ASPH: variants seen among roughly 807,000 people sequenced by gnomAD.
ASPH encodes the protein aspartate beta-hydroxylase.
A neutral mutation model predicts 118.4 loss-of-function variants in ASPH; 100 were observed. The ratio of observed to expected loss-of-function variants is 0.84; its 90% confidence interval spans 0.72 to 1.00. The LOEUF is 1.00. ASPH is among the 50% of genes least tolerant of loss of function. The pLI is 0.00. For synonymous variants in ASPH, 315 were observed against 325.6 expected (o/e 0.97, Z 0.35); for missense variants, 920 against 919.5 (o/e 1.00, Z -0.01).
chr8:61,517,703 G>A (rs1429161257), intron 23 of ASPH, 42 bp from the exon 24 acceptor site: 1 of 1,597,472 alleles, frequency 6.3e-7, no homozygotes, highest in South Asian at 1.1e-5. Flanking sequence ...ATTTATCAAG[G>A]TGTGGAGGAA....
chr8:61,585,581 C>G (rs368856727), intron 14 of ASPH, among the ~76,000 whole-genome samples: 1 of 103,548 alleles, frequency 9.7e-6, no homozygotes, highest in African/African-American at 2.6e-5. Context: ...CTCTCGTGTG[C>G]CCCCTGGTGG....
Position 61,670,557 on chromosome 8 carries a change from G to T in ASPH, c.322+10411C>A, listed in dbSNP as rs79096382. Among the ~76,000 whole-genome samples, 530 of 152,144 alleles carry T rather than the reference G, an allele frequency of 3.5e-3. 2 individuals are homozygous for T. The highest frequency in any genetic ancestry group is 0.02 in the Middle Eastern group (6 of 294). ...CTTAGAAGAAAACTGATCATACATGGAATTTCCCTAGATTCTGAGGGGAAC... is the reference window on the plus strand; with the variant it reads ...CTTAGAAGAAAACTGATCATACATGTAATTTCCCTAGATTCTGAGGGGAAC... On this transcript the variant is annotated intron_variant, in intron 3 of 24. Transcript: ENST00000379454.
At chr8:61,714,037 C>T (rs1159344721) in intron 1 of ASPH, among the ~76,000 whole-genome samples, 1 of 152,258 alleles carries the variant, frequency 6.6e-6, no homozygotes, top group East Asian at 1.9e-4. Flanking sequence ...TGGGAAGGGG[C>T]TCCCCGAGAC....
At chr8:61,676,181 T>A in intron 3 of ASPH, 1 of 1,599,252 alleles carries the variant, frequency 6.3e-7, no homozygotes, top group Non-Finnish European at 8.5e-7. Context: ...TTCTTCTTCT[T>A]CTAGCATTTC....
intron 1 of ASPH, among the ~76,000 whole-genome samples, chr8:61,699,487 G>A (rs1056052034): frequency 6.6e-6 from 1 of 151,954 alleles, no homozygotes; most frequent in African/African-American, 2.4e-5. Context: ...GAAAAATAAT[G>A]AATAAATGAA....
intron 24 of ASPH, among the ~76,000 whole-genome samples, chr8:61,508,918 G>A (rs1357373275): frequency 6.6e-6 from 1 of 152,160 alleles, no homozygotes; most frequent in African/African-American, 2.4e-5. Flanking sequence ...TACTCATTCT[G>A]ATCTACTGAA....
In ASPH at chr8:61,600,444, T is replaced by C. The variant is rs117985355; in HGVS notation, c.977-16415A>G. Among the ~76,000 whole-genome samples the C allele has an allele frequency of 1.2e-3, 180 of 151,526 alleles. 4 individuals carry two copies. The highest frequency in any genetic ancestry group is 2.1e-3 in the Non-Finnish European group (140 of 68,018). ...TGGAAAAGAGGAAGTCAAATTGTCC[T>C]GTTTGCAGAAAACATGATCTTATAT... On this transcript the variant is annotated intron_variant, in intron 14 of 24. Coordinates refer to ENST00000379454, the MANE Select transcript of ASPH (RefSeq NM_004318.4).
chr8:61,701,698 TTA>T (rs1835284243), intron 1 of ASPH, among the ~76,000 whole-genome samples: 1 of 152,132 alleles, frequency 6.6e-6, no homozygotes, highest in Admixed American at 6.5e-5. Context: ...AAAATAAGCA[TTA>T]TATTTTAGTC....
intron 10 of ASPH, among the ~76,000 whole-genome samples, chr8:61,639,835 C>T (rs1588485824): frequency 6.6e-6 from 1 of 152,188 alleles, no homozygotes; most frequent in East Asian, 1.9e-4. Context: ...TGCTTGACTC[C>T]AGTCTCTCCC....
At chr8:61,643,116 T>C (rs1806070146) in intron 9 of ASPH, among the ~76,000 whole-genome samples, 196 bp from the exon 10 acceptor site, 1 of 152,202 alleles carries the variant, frequency 6.6e-6, no homozygotes, top group African/African-American at 2.4e-5. Context: ...CATTAAAATT[T>C]CTCAAATTGG....
intron 2 of ASPH, 59 bp downstream of exon 2, chr8:61,683,980 C>A: frequency 6.4e-7 from 1 of 1,562,216 alleles, no homozygotes; most frequent in Non-Finnish European, 8.8e-7. Flanking sequence ...ATATTCAAGA[C>A]TCCTAAGAGA....
Position 61,552,056 on chromosome 8 carries a change from A to G in ASPH, c.1626+975T>C, listed in dbSNP as rs1049465251. On this transcript the variant is annotated intron_variant, in intron 20 of 24. Transcript: ENST00000379454. ...ACCCCTTCACTTCTCTGAACCCTCA[A>G]TTCCCCAGATGATTCCATGTTCTTA... Among the ~76,000 whole-genome samples, 13 of 152,336 alleles carry G rather than the reference A, an allele frequency of 8.5e-5. No homozygotes were observed. The South Asian group carries it at 2.7e-3, about 32-fold the overall frequency.
At chr8:61,578,975 C>T in intron 15 of ASPH, 1 of 1,610,892 alleles carries the variant, frequency 6.2e-7, no homozygotes, top group Non-Finnish European at 8.5e-7. Context: ...ACAACAGCCG[C>T]TCCCTGGACA....
At chr8:61,596,748 T>C (rs1044592866) in intron 14 of ASPH, among the ~76,000 whole-genome samples, 1 of 152,224 alleles carries the variant, frequency 6.6e-6, no homozygotes, top group Non-Finnish European at 1.5e-5. Context: ...AAAAAAGTCT[T>C]TCCTATGAAA....
At chr8:61,612,509 G>T (rs1428487812) in intron 14 of ASPH, among the ~76,000 whole-genome samples, 1 of 151,998 alleles carries the variant, frequency 6.6e-6, no homozygotes, top group Non-Finnish European at 1.5e-5. Flanking sequence ...AAGTAGCTGG[G>T]ATTACAGGCA....
At chr8:61,620,326 C>T (rs955106300) in intron 13 of ASPH, among the ~76,000 whole-genome samples, 32 of 152,164 alleles carry the variant, frequency 2.1e-4, no homozygotes, top group African/African-American at 7.7e-4. Context: ...TCAAGGCCAG[C>T]AGTTTACATA....
intron 2 of ASPH, chr8:61,683,520 A>C (rs1191540728): frequency 6.6e-6 from 1 of 152,394 alleles, no homozygotes; most frequent in East Asian, 1.9e-4. Flanking sequence ...ACACACAATA[A>C]TATCTACAAA....
chr8:61,643,622 G>C (rs929513518), intron 8 of ASPH, among the ~76,000 whole-genome samples, 189 bp from the exon 9 acceptor site: 5 of 152,214 alleles, frequency 3.3e-5, no homozygotes, highest in Admixed American at 3.3e-4. Flanking sequence ...ATAGGAAAGA[G>C]TAGAAATGGG....
intron 16 of ASPH, among the ~76,000 whole-genome samples, chr8:61,575,867 A>G (rs1834968701): frequency 6.6e-6 from 1 of 152,152 alleles, no homozygotes; most frequent in African/African-American, 2.4e-5. Context: ...TACCACCCCT[A>G]TAGGCAAAAG....
Sources: gnomAD v4.1 joint callset for allele counts (sites outside exome capture counted in the v4.1 genomes callset) on GRCh38, gnomAD v4.1.1 for gene constraint, MANE v1.5 for transcripts, NCBI Gene and HGNC (gene_info 2026-07-23, HGNC 2026-07-21) for gene names.